CSMD1: variants seen among roughly 807,000 people sequenced by gnomAD.
CSMD1 encodes CUB and Sushi multiple domains 1.
Under a neutral mutation model 417.5 loss-of-function variants are expected in CSMD1, and 213 were observed. That is an observed-to-expected ratio of 0.51 (90% CI 0.46 to 0.57). CSMD1 has a LOEUF of 0.57. CSMD1 is among the 20% of genes least tolerant of loss of function. The pLI is 0.00. For synonymous variants in CSMD1, 2,862 were observed against 1,736.8 expected (o/e 1.65, Z -16.11); for missense variants, 6,923 against 4,529.7 (o/e 1.53, Z -15.17).
intron 3 of CSMD1, among the ~76,000 whole-genome samples, chr8:4,078,313 CTTTT>C (rs34359373): frequency 1.8e-4 from 24 of 131,258 alleles, no homozygotes; most frequent in African/African-American, 5.8e-4. Context: ...TGATATCCAA[CTTTT>C]TTTTTTTTTT....
At chr8:4,551,255 C>G (rs1472493685) in intron 2 of CSMD1, among the ~76,000 whole-genome samples, 2 of 151,070 alleles carry the variant, frequency 1.3e-5, no homozygotes, top group East Asian at 3.9e-4. Flanking sequence ...GGCAGGCTAT[C>G]TTTTTATAGT....
intron 7 of CSMD1, among the ~76,000 whole-genome samples, chr8:3,684,304 A>G (rs913993562): frequency 1.4e-5 from 2 of 145,038 alleles, no homozygotes; most frequent in Non-Finnish European, 3.0e-5. Context: ...TAAATTATAT[A>G]TTATATAAAA....
At chr8:3,499,051 T>A (rs1315536250) in intron 10 of CSMD1, among the ~76,000 whole-genome samples, 1 of 152,210 alleles carries the variant, frequency 6.6e-6, no homozygotes, top group Non-Finnish European at 1.5e-5. Flanking sequence ...GGGTGTCATG[T>A]TTCTTGCTTT....
intron 47 of CSMD1, among the ~76,000 whole-genome samples, chr8:3,093,160 G>T (rs1420971570): frequency 6.6e-6 from 1 of 152,136 alleles, no homozygotes; most frequent in African/African-American, 2.4e-5. Flanking sequence ...GAGAGAGGGA[G>T]GGTCCCTAAA....
At chr8:3,016,474 A>G (rs659370) in intron 52 of CSMD1, among the ~76,000 whole-genome samples, 122,035 of 152,156 alleles carry the variant, frequency 0.8, 49,096 homozygotes, top group Non-Finnish European at 0.82. Context: ...TTGATAAAGG[A>G]ATATGCTTCA....
intron 36 of CSMD1, among the ~76,000 whole-genome samples, chr8:3,182,629 T>TTA (rs1821425130): frequency 2.2e-5 from 1 of 45,126 alleles, no homozygotes; most frequent in Non-Finnish European, 5.4e-5. Flanking sequence ...TGTGTGTGTG[T>TTA]GTGTATTGTT....
intron 49 of CSMD1, among the ~76,000 whole-genome samples, chr8:3,063,051 A>T (rs10090217): frequency 0.099 from 15,059 of 152,208 alleles, 741 homozygotes; most frequent in Middle Eastern, 0.15. Flanking sequence ...CCAACCACCA[A>T]TGTCCTATGG....
intron 8 of CSMD1, among the ~76,000 whole-genome samples, chr8:3,596,364 T>G (rs879277668): frequency 1.3e-5 from 2 of 152,132 alleles, no homozygotes; most frequent in Non-Finnish European, 2.9e-5. Flanking sequence ...CATATATTAC[T>G]AACCACTCAG....
intron 12 of CSMD1, among the ~76,000 whole-genome samples, chr8:3,435,913 A>G (rs1563386574): frequency 6.6e-6 from 1 of 152,324 alleles, no homozygotes; most frequent in Non-Finnish European, 1.5e-5. Flanking sequence ...GTCTTCCCCT[A>G]TAGCTTAGTC....
At chr8:4,641,516 C>T (rs942918113) in intron 1 of CSMD1, among the ~76,000 whole-genome samples, 1 of 151,984 alleles carries the variant, frequency 6.6e-6, no homozygotes, top group Non-Finnish European at 1.5e-5. Context: ...CTTTGTTGAC[C>T]GTCTAAGTAG....
At chr8:4,601,440 G>A (rs1293104697) in intron 2 of CSMD1, among the ~76,000 whole-genome samples, 1 of 152,130 alleles carries the variant, frequency 6.6e-6, no homozygotes, top group Non-Finnish European at 1.5e-5. Context: ...CTTCTACAGG[G>A]ATCATCTCAT....
At chr8:4,424,002 C>G (rs1797404378) in intron 2 of CSMD1, among the ~76,000 whole-genome samples, 1 of 151,822 alleles carries the variant, frequency 6.6e-6, no homozygotes, top group Non-Finnish European at 1.5e-5. Context: ...AATTGGATGT[C>G]CATAGCAAAT....
intron 5 of CSMD1, among the ~76,000 whole-genome samples, chr8:3,801,517 T>C (rs951255573): frequency 2.6e-5 from 4 of 152,144 alleles, no homozygotes; most frequent in African/African-American, 7.2e-5. Flanking sequence ...CTCGTGTTGC[T>C]TGTCGGAAAG....
At chr8:4,907,993 C>G (rs1445032123) in intron 1 of CSMD1, among the ~76,000 whole-genome samples, 1 of 152,024 alleles carries the variant, frequency 6.6e-6, no homozygotes. Flanking sequence ...TCTAATACAC[C>G]ATCTGGGAAT....
intron 23 of CSMD1, among the ~76,000 whole-genome samples, chr8:3,314,207 A>C (rs1301817838): frequency 6.6e-6 from 1 of 152,218 alleles, no homozygotes; most frequent in East Asian, 1.9e-4. Context: ...CCAACATGGC[A>C]CATGTATACA....
At chr8:4,557,430 T>C (rs1798144604) in intron 2 of CSMD1, among the ~76,000 whole-genome samples, 1 of 114,804 alleles carries the variant, frequency 8.7e-6, no homozygotes, top group Non-Finnish European at 1.9e-5. Context: ...ATCTGCGAGG[T>C]TTTTTTTTTT....
At chr8:4,731,106 T>C (rs907912858) in intron 1 of CSMD1, among the ~76,000 whole-genome samples, 1 of 152,214 alleles carries the variant, frequency 6.6e-6, no homozygotes, top group Non-Finnish European at 1.5e-5. Flanking sequence ...AACCTGCTTT[T>C]GATTTGCCCA....
intron 3 of CSMD1, among the ~76,000 whole-genome samples, chr8:4,407,881 A>G (rs975648411): frequency 6.6e-6 from 1 of 152,182 alleles, no homozygotes; most frequent in Non-Finnish European, 1.5e-5. Flanking sequence ...GCTCATATTT[A>G]TGAGTTAAGA....
rs145249154 is a variant in CSMD1 at position 3,736,022 on chromosome 8, G to T, written c.931+17908C>A. ...TAAGTGCGGTGGATTAAAAAAAATAGAGGGAATAGAAATACAAAGAACTAC... is the reference window on the plus strand; with the variant it reads ...TAAGTGCGGTGGATTAAAAAAAATATAGGGAATAGAAATACAAAGAACTAC... On this transcript the variant is annotated intron_variant, in intron 6 of 69. Transcript: ENST00000635120. 2.3e-3 allele frequency among the ~76,000 whole-genome samples: 345 copies of T among 152,170 alleles called. 2 individuals are homozygous for T. In the East Asian group the frequency reaches 0.028, roughly 12 times the overall value.
Sources: gnomAD v4.1 joint callset for allele counts (sites outside exome capture counted in the v4.1 genomes callset) on GRCh38, gnomAD v4.1.1 for gene constraint, MANE v1.5 for transcripts, NCBI Gene and HGNC (gene_info 2026-07-23, HGNC 2026-07-21) for gene names.